Variants in PAK3 observed in about 807,000 individuals in gnomAD.
PAK3 encodes the protein p21 (RAC1) activated kinase 3, also known as serine/threonine-protein kinase PAK 3.
A neutral mutation model predicts 41.0 loss-of-function variants in PAK3; 4 were observed. The observed-to-expected ratio is 0.10, with a 90% CI of 0.05 to 0.22. The LOEUF is 0.22. PAK3 is among the 10% of genes least tolerant of loss of function. PAK3 has a pLI of 1.00. For missense variants in PAK3, 205 were observed against 409.9 expected (o/e 0.50, Z 4.32); for synonymous variants, 146 against 139.6 (o/e 1.05, Z -0.32).
At chrX:111,011,427 T>C (rs765725595) in intron 1 of PAK3, among the ~76,000 whole-genome samples, 1 of 111,811 alleles carries the variant, frequency 8.9e-6, no homozygotes, top group Non-Finnish European at 1.9e-5. Flanking sequence ...CTCCCTGGCA[T>C]GCAAGTGGTT....
rs1385027689 is a variant in PAK3 at position 111,208,593 on chromosome X, G to A, written c.1408-7828G>A. On this transcript the variant is annotated intron_variant, in intron 16 of 17. Coordinates refer to ENST00000372007, the MANE Select transcript of PAK3 (RefSeq NM_002578.5). ...ACAGTATTCAATACAGTCACATGCT[G>A]TACAGATTTATAGCCTAGGAGCAAT... Among the ~76,000 whole-genome samples the A allele has an allele frequency of 2.7e-5, 3 of 112,221 alleles. No individual in the cohort carries two copies. The East Asian group carries it at 8.3e-4, about 31-fold the overall frequency.
intron 1 of PAK3, among the ~76,000 whole-genome samples, chrX:111,064,156 A>G (rs185713695): frequency 1.3e-4 from 15 of 112,204 alleles, no homozygotes; most frequent in Admixed American, 1.1e-3. Flanking sequence ...TTGGGCTCTG[A>G]CATGCTCCTA....
chrX:111,041,764 A>G (rs1216368381), intron 1 of PAK3, among the ~76,000 whole-genome samples: 2 of 110,524 alleles, frequency 1.8e-5, no homozygotes, highest in African/African-American at 6.6e-5. Context: ...TTCCTTCAAG[A>G]CCTGTCTTAA....
In PAK3 at chrX:110,979,565, A is replaced by G. The variant is rs911181049; in HGVS notation, c.-28+34937A>G. Among the ~76,000 whole-genome samples the G allele has an allele frequency of 4.5e-5, 5 of 111,546 alleles. No individual in the cohort carries two copies. In the East Asian group the frequency reaches 1.4e-3, roughly 31 times the overall value. On this transcript the variant is annotated intron_variant, in intron 1 of 14. Coordinates refer to the PAK3 transcript ENST00000425146. The stretch of plus-strand genomic sequence containing the variant: ...GGCCTTGGCCTCCCAAAGTGCTGGG[A>G]TTACAGGCATGAGCCACTGCACCCA...
intron 1 of PAK3, among the ~76,000 whole-genome samples, chrX:111,055,690 T>A: frequency 8.9e-6 from 1 of 112,065 alleles, no homozygotes; most frequent in East Asian, 2.8e-4. Flanking sequence ...GAACAGGATC[T>A]ACATCAACCA....
chrX:111,123,113 G>A lies in PAK3; in HGVS notation c.10G>A (p.Gly4Ser), dbSNP rs140296303. 211 of 1,201,151 alleles carry A rather than the reference G, an allele frequency of 1.8e-4. No individual in the cohort carries two copies. The highest frequency in any genetic ancestry group is 2.0e-4 in the Admixed American group (9 of 45,670). Residue 4 changes from glycine to serine, a missense_variant, in exon 5 of 18, where the codon GGT becomes AGT. Physicochemically the swap from Gly to Ser is moderately conservative, Grantham distance 56 (BLOSUM62 0). Around this residue, in one of 5 missense-constraint regions of PAK3, gnomAD observed 26 missense variants for 27.4 expected, o/e 0.95. Transcript: ENST00000372007. MSD[G>S]LDNEEKPPAP... ...TTAGTTGTAACTGAAAATGTCTGACGGTCTGGATAATGAAGAGAAACCCCC... is the reference window on the plus strand; with the variant it reads ...TTAGTTGTAACTGAAAATGTCTGACAGTCTGGATAATGAAGAGAAACCCCC...
intron 1 of PAK3, among the ~76,000 whole-genome samples, chrX:111,017,519 T>C (rs1293979386): frequency 9.0e-6 from 1 of 111,656 alleles, no homozygotes; most frequent in African/African-American, 3.2e-5. Context: ...TGTAGAAACA[T>C]ACAGCCTACC....
intron 1 of PAK3, among the ~76,000 whole-genome samples, chrX:110,963,654 T>C (rs2091024760): frequency 8.9e-6 from 1 of 112,321 alleles, no homozygotes; most frequent in Non-Finnish European, 1.9e-5. Context: ...AAGCACTGAA[T>C]TGAAAATTAG....
intron 1 of PAK3, among the ~76,000 whole-genome samples, chrX:111,023,603 A>T (rs1434830571): frequency 8.9e-6 from 1 of 112,310 alleles, no homozygotes. Flanking sequence ...ATGAGATAGT[A>T]TCTCATTGTG....
At chrX:110,978,764 TTTCTTTCTTTCC>T (rs1467477654) in intron 1 of PAK3, among the ~76,000 whole-genome samples, 2 of 109,458 alleles carry the variant, frequency 1.8e-5, no homozygotes, top group Non-Finnish European at 3.8e-5. Flanking sequence ...TCTCTCTCTC[TTTCTTTCTTTCC>T]TTCTTTCTTT....
At chrX:111,065,046 A>G (rs1218115132) in intron 1 of PAK3, among the ~76,000 whole-genome samples, 2 of 111,972 alleles carry the variant, frequency 1.8e-5, no homozygotes, top group African/African-American at 6.5e-5. Context: ...GATGCCTTTT[A>G]TTTCTTTCTC....
intron 1 of PAK3, among the ~76,000 whole-genome samples, chrX:111,041,465 C>G (rs2092451673): frequency 8.9e-6 from 1 of 112,076 alleles, no homozygotes. Flanking sequence ...CCCAAACACT[C>G]CTTCACTGTG....
intron 1 of PAK3, among the ~76,000 whole-genome samples, chrX:110,978,704 CTCTTTCTTTCTT>C (rs377626068): frequency 1.9e-5 from 2 of 104,084 alleles, no homozygotes; most frequent in Admixed American, 1.0e-4. Context: ...TTCTCTCTGT[CTCTTTCTTTCTT>C]TCTTTCTTTC....
intron 5 of PAK3, among the ~76,000 whole-genome samples, chrX:111,127,749 C>T (rs779070544): frequency 6.3e-5 from 7 of 111,302 alleles, no homozygotes; most frequent in Non-Finnish European, 1.3e-4. Flanking sequence ...TGGGACTCTA[C>T]GGTATGTATG....
At chrX:111,200,257 G>C (rs1227917556) in intron 16 of PAK3, among the ~76,000 whole-genome samples, 1 of 111,829 alleles carries the variant, frequency 8.9e-6, no homozygotes, top group African/African-American at 3.2e-5. Flanking sequence ...TAAACTAACT[G>C]TCTAGTTGTT....
At position 111,116,659 on chromosome X, in the gene PAK3, C is replaced by A. The variant is rs180961599; in HGVS notation, c.-27-6418C>A. On this transcript the variant is annotated intron_variant, in intron 4 of 17. Coordinates refer to ENST00000372007, the MANE Select transcript of PAK3 (RefSeq NM_002578.5). ...CTATAATATGCTGGCTTCTTGGACT[C>A]AATTAATGTCAAGTTCCTGCTGAAA... Among the ~76,000 whole-genome samples the A allele has an allele frequency of 1.4e-4, 16 of 112,121 alleles. No homozygotes were observed. In the Middle Eastern group the frequency reaches 0.014, roughly 97 times the overall value.
chrX:111,157,843 CA>C (rs1414386382), intron 8 of PAK3, among the ~76,000 whole-genome samples: 1 of 110,567 alleles, frequency 9.0e-6, no homozygotes, highest in African/African-American at 3.3e-5. Context: ...CAATGTCTAG[CA>C]AAATTAGAGT....
rs1305059964 is a variant in PAK3 at position 111,192,180 on chromosome X, G to A, written c.879+5G>A. ...GACATTGCAACAGGACAAGAGGTAA[G>A]TGCTAACGTTCAATCCTGATTTTTA... On this transcript the variant is annotated splice_donor_5th_base_variant and intron_variant, in intron 12 of 17. Coordinates refer to ENST00000372007, the MANE Select transcript of PAK3 (RefSeq NM_002578.5). 2 of 1,051,585 alleles carry A rather than the reference G, an allele frequency of 1.9e-6. No homozygotes were observed. The highest frequency in any genetic ancestry group is 4.4e-5 in the Admixed American group (2 of 45,274). The allele number at this position is 1,051,585 out of a possible 1,213,427, so 86.7% of individuals were successfully genotyped here.
At chrX:111,092,797 T>C (rs150704807), upstream of PAK3, among the ~76,000 whole-genome samples, 1,802 of 112,374 alleles carry the variant, frequency 0.016, 18 homozygotes, top group Non-Finnish European at 0.024. Context: ...TTTTTCATTC[T>C]TATATAATAT....
Sources: gnomAD v4.1 joint callset for allele counts (sites outside exome capture counted in the v4.1 genomes callset) on GRCh38, gnomAD v4.1.1 for gene constraint, gnomAD v4.1.1 regional missense constraint, MANE v1.5 for transcripts, NCBI Gene and HGNC (gene_info 2026-07-23, HGNC 2026-07-21) for gene names.